NEBL: variants seen among roughly 807,000 people sequenced by gnomAD.
NEBL encodes nebulette, also known as LIM and SH3 protein 2.
NEBL carries 122 observed loss-of-function variants against 140.2 expected under a neutral mutation model. The ratio of observed to expected loss-of-function variants is 0.87; its 90% CI spans 0.75 to 1.01. The LOEUF (loss-of-function observed/expected upper bound fraction) is 1.01, where lower values mean the gene tolerates loss of function less well. NEBL is among the 50% of genes least tolerant of loss of function. NEBL has a pLI of 0.00. For synonymous variants in NEBL, 436 were observed against 398.9 expected (o/e 1.09, Z -1.11); for missense variants, 1,365 against 1,231.3 (o/e 1.11, Z -1.62).
At chr10:20,991,315 A>G (rs1001493875) in intron 3 of NEBL, among the ~76,000 whole-genome samples, 10 of 152,154 alleles carry the variant, frequency 6.6e-5, no homozygotes, top group Non-Finnish European at 1.5e-4. Context: ...AAAATTATCT[A>G]TAAATAGGTG....
At chr10:21,174,904 T>A (rs2279311), upstream of NEBL, 1 of 152,070 alleles carries the variant, frequency 6.6e-6, no homozygotes, top group African/African-American at 2.4e-5. Context: ...AATAAATGAA[T>A]ATGGCTCGTT....
intron 10 of NEBL, 105 bp downstream of exon 10, chr10:20,852,440 G>T: frequency 1.3e-6 from 1 of 771,106 alleles, no homozygotes. Context: ...ATTCTTTTCT[G>T]CAACTGTACT....
At chr10:21,279,565 G>A (rs1427196958) in intron 1 of NEBL, among the ~76,000 whole-genome samples, 1 of 151,776 alleles carries the variant, frequency 6.6e-6, no homozygotes, top group Non-Finnish European at 1.5e-5. Context: ...TCATGAGTTC[G>A]AGACCAGCCT....
chr10:20,979,805 C>A (rs916266027), intron 3 of NEBL, among the ~76,000 whole-genome samples: 1 of 152,100 alleles, frequency 6.6e-6, no homozygotes, highest in African/African-American at 2.4e-5. Flanking sequence ...CTCTTGTGCT[C>A]AAGCAATCCT....
intron 2 of NEBL, among the ~76,000 whole-genome samples, chr10:21,101,727 A>G (rs1837487515): frequency 6.6e-6 from 1 of 152,214 alleles, no homozygotes; most frequent in South Asian, 2.1e-4. Context: ...TTCCAGACCC[A>G]AGGAGTGTCA....
At chr10:20,967,272 A>G (rs1012441572) in intron 3 of NEBL, among the ~76,000 whole-genome samples, 7 of 152,240 alleles carry the variant, frequency 4.6e-5, no homozygotes, top group African/African-American at 1.7e-4. Flanking sequence ...AAAATAAGTG[A>G]ATCATGGATC....
chr10:20,933,617 C>T (rs1834315785), intron 4 of NEBL, among the ~76,000 whole-genome samples: 2 of 152,110 alleles, frequency 1.3e-5, no homozygotes, highest in Admixed American at 1.3e-4. Flanking sequence ...GCCTGTAATC[C>T]CAGCTACCTG....
chr10:20,937,708 G>T (rs1834574293), intron 4 of NEBL, among the ~76,000 whole-genome samples: 1 of 152,172 alleles, frequency 6.6e-6, no homozygotes, highest in Admixed American at 6.5e-5. Flanking sequence ...AGGGGTGACA[G>T]ATGGCACCTG....
intron 26 of NEBL, among the ~76,000 whole-genome samples, chr10:20,788,200 G>A (rs1269519614): frequency 2.6e-5 from 4 of 152,136 alleles, no homozygotes; most frequent in Non-Finnish European, 5.9e-5. Context: ...TCTGTGACCA[G>A]AAACATGAGC....
intron 3 of NEBL, among the ~76,000 whole-genome samples, chr10:21,240,382 G>A (rs1324298026): frequency 1.3e-5 from 2 of 152,112 alleles, no homozygotes; most frequent in South Asian, 2.1e-4. Flanking sequence ...AGTGGCTCAC[G>A]CCTGTAATCC....
chr10:21,085,489 G>A (rs1836581671), intron 2 of NEBL, among the ~76,000 whole-genome samples: 1 of 152,068 alleles, frequency 6.6e-6, no homozygotes, highest in Non-Finnish European at 1.5e-5. Flanking sequence ...AACTTAATTA[G>A]CCAAGCATAG....
At chr10:20,935,337 A>G (rs569601675) in intron 4 of NEBL, among the ~76,000 whole-genome samples, 10 of 152,376 alleles carry the variant, frequency 6.6e-5, no homozygotes, top group African/African-American at 2.4e-4. Context: ...TTAACACGAC[A>G]ACTGGCAACT....
At chr10:21,199,349 T>C (rs540867269) in intron 3 of NEBL, among the ~76,000 whole-genome samples, 1 of 152,294 alleles carries the variant, frequency 6.6e-6, no homozygotes, top group South Asian at 2.1e-4. Context: ...AATTAATTTT[T>C]TAAAAAATCA....
intron 4 of NEBL, among the ~76,000 whole-genome samples, chr10:20,926,462 TA>T (rs1404419467): frequency 2.6e-5 from 4 of 152,234 alleles, no homozygotes; most frequent in Non-Finnish European, 1.5e-5. Flanking sequence ...TTTTGGCTTA[TA>T]AACCATGTGC....
intron 3 of NEBL, among the ~76,000 whole-genome samples, chr10:21,202,346 T>G: frequency 6.6e-6 from 1 of 152,238 alleles, no homozygotes; most frequent in Non-Finnish European, 1.5e-5. Context: ...TCCTGTTACA[T>G]TCTCTGTGCC....
chr10:20,785,135 C>T lies in NEBL; in HGVS notation c.*612G>A, dbSNP rs1835299767. 1 of 155,214 alleles carries T rather than the reference C, an allele frequency of 6.4e-6. No homozygotes were observed. Among genetic ancestry groups the T allele is most frequent in the Non-Finnish European group, 1.4e-5 (1 of 69,790 alleles). 9.6% of individuals were successfully genotyped at this position (155,214 alleles called of 1,614,324 possible). A position where few individuals can be genotyped will look rare whatever the true frequency, so the allele number is the denominator to read the frequency against. ...ATGGAGAGTAGGAGATGCCTTGGTA[C>T]AAATGAGAAATAAATAGATACCAGT... On this transcript the variant is annotated 3_prime_UTR_variant, in exon 28 of 28. Coordinates refer to ENST00000377122, the MANE Select transcript of NEBL (RefSeq NM_006393.3).
intron 9 of NEBL, among the ~76,000 whole-genome samples, chr10:20,857,629 T>A (rs1843216029): frequency 6.6e-6 from 1 of 152,080 alleles, no homozygotes; most frequent in Admixed American, 6.5e-5. Flanking sequence ...GTGCTATGGG[T>A]TGAAACAGCA....
intron 3 of NEBL, among the ~76,000 whole-genome samples, chr10:21,189,625 C>G (rs1367489606): frequency 1.3e-5 from 2 of 150,760 alleles, no homozygotes; most frequent in Non-Finnish European, 2.9e-5. Flanking sequence ...CCACCGCGCC[C>G]AGCTAATTTT....
At chr10:20,896,237 A>T (rs1847462818) in intron 2 of NEBL, among the ~76,000 whole-genome samples, 1 of 151,850 alleles carries the variant, frequency 6.6e-6, no homozygotes, top group Non-Finnish European at 1.5e-5. Context: ...CTAAATTCTC[A>T]TCCCTGGTGA....
Sources: allele counts gnomAD v4.1 joint callset (sites outside exome capture counted in the v4.1 genomes callset), GRCh38; gene constraint gnomAD v4.1.1; transcripts MANE v1.5; gene names NCBI Gene and HGNC (gene_info 2026-07-23, HGNC 2026-07-21).